CDH2: variants seen among roughly 807,000 people sequenced by gnomAD.
The protein encoded by CDH2 is cadherin 2.
In CDH2, 17 loss-of-function variants were observed where a neutral mutation model predicts 92.0. The observed-to-expected ratio is 0.18, with a 90% confidence interval of 0.13 to 0.28. The LOEUF is 0.28. CDH2 is among the 10% of genes least tolerant of loss of function. The pLI is 1.00. For missense variants in CDH2, 862 were observed against 1,133.1 expected, an observed-to-expected ratio of 0.76 and a Z score of 3.44; for synonymous variants, 419 against 415.9, an observed-to-expected ratio of 1.01 and a Z score of -0.09.
rs1002308684 is a variant in CDH2 at position 28,039,875 on chromosome 18, C to G, written c.173-25966G>C. ...CAAAGGTTGGTCAACATTTATGGCT[C>G]AAGAAAAAGAGAGTATTACATAACC... is the stretch of plus-strand genomic sequence containing the variant. On this transcript the variant is annotated intron_variant, in intron 2 of 15. Transcript: ENST00000269141. Among the ~76,000 whole-genome samples the G allele has an allele frequency of 5.9e-5, 9 of 152,168 alleles. No homozygotes were observed. In the East Asian group the frequency reaches 1.5e-3, roughly 26 times the overall value.
chr18:27,963,329 T>C, intron 15 of CDH2, 28 bp downstream of exon 15: 1 of 1,610,726 alleles, frequency 6.2e-7, no homozygotes, highest in Non-Finnish European at 8.5e-7. Context: ...TGAAAACTCT[T>C]ATAGAGAAAA....
At chr18:28,160,509 T>C (rs908670233) in intron 1 of CDH2, among the ~76,000 whole-genome samples, 2 of 152,186 alleles carry the variant, frequency 1.3e-5, no homozygotes, top group Admixed American at 1.3e-4. Context: ...GGGGACAGCA[T>C]GGATTCTGAC....
intron 2 of CDH2, among the ~76,000 whole-genome samples, chr18:28,107,919 A>G (rs1448985126): frequency 6.6e-6 from 1 of 152,234 alleles, no homozygotes; most frequent in African/African-American, 2.4e-5. Context: ...ATTAAAAAAC[A>G]TTCACAGTTT....
intron 14 of CDH2, among the ~76,000 whole-genome samples, chr18:27,967,419 TGAGAATTATAAA>T (rs2011557584): frequency 6.6e-6 from 1 of 152,156 alleles, no homozygotes; most frequent in Non-Finnish European, 1.5e-5. Flanking sequence ...ACATGTAGGA[TGAGAATTATAAA>T]GAGAATTACA....
At chr18:28,005,254 A>G (rs774439424) in intron 6 of CDH2, among the ~76,000 whole-genome samples, 3 of 152,118 alleles carry the variant, frequency 2.0e-5, no homozygotes, top group Admixed American at 6.5e-5. Flanking sequence ...CACAAGTGCT[A>G]TTTCTAGGCC....
intron 2 of CDH2, among the ~76,000 whole-genome samples, chr18:28,119,054 A>T (rs746477194): frequency 6.6e-6 from 1 of 152,100 alleles, no homozygotes; most frequent in Non-Finnish European, 1.5e-5. Context: ...CAATCCAGGG[A>T]ACATAAAGAA....
intron 6 of CDH2, among the ~76,000 whole-genome samples, chr18:27,943,950 T>C (rs1321447791): frequency 6.6e-6 from 1 of 152,222 alleles, no homozygotes; most frequent in African/African-American, 2.4e-5. Flanking sequence ...AAGGAAAACA[T>C]TTCCGTCAGT....
chr18:27,996,329 A>C (rs1212455678), intron 7 of CDH2, among the ~76,000 whole-genome samples: 1 of 152,130 alleles, frequency 6.6e-6, no homozygotes, highest in Admixed American at 6.5e-5. Flanking sequence ...TGTGACAACC[A>C]AACTCAGTAC....
intron 2 of CDH2, among the ~76,000 whole-genome samples, chr18:28,020,148 A>G (rs2013368836): frequency 6.6e-6 from 1 of 152,142 alleles, no homozygotes. Flanking sequence ...GCAGCTAGGA[A>G]TATCTTCTTG....
At chr18:27,933,761 A>T (rs1908957940) in intron 6 of CDH2, among the ~76,000 whole-genome samples, 1 of 152,208 alleles carries the variant, frequency 6.6e-6, no homozygotes, top group Non-Finnish European at 1.5e-5. Context: ...AGCAAGCTTC[A>T]CGTATTTGGG....
At chr18:27,987,081 C>G (rs1005783922) in intron 11 of CDH2, among the ~76,000 whole-genome samples, 18 of 152,226 alleles carry the variant, frequency 1.2e-4, no homozygotes, top group African/African-American at 4.3e-4. Context: ...TATCAAAAGC[C>G]CTTTCAATTA....
intron 2 of CDH2, among the ~76,000 whole-genome samples, chr18:28,126,081 TG>T (rs1156985439): frequency 6.6e-6 from 1 of 152,180 alleles, no homozygotes; most frequent in Non-Finnish European, 1.5e-5. Context: ...AAAATGAGAT[TG>T]TTAAAAGTTT....
At chr18:27,970,312 C>G (rs904989386) in intron 14 of CDH2, among the ~76,000 whole-genome samples, 1 of 152,130 alleles carries the variant, frequency 6.6e-6, no homozygotes, top group Non-Finnish European at 1.5e-5. Context: ...GTTTTCACCT[C>G]GAGTTCCAAT....
chr18:28,072,891 T>G (rs558252149), intron 2 of CDH2, among the ~76,000 whole-genome samples: 4 of 152,272 alleles, frequency 2.6e-5, no homozygotes, highest in Non-Finnish European at 4.4e-5. Flanking sequence ...GTTGGAGTCA[T>G]GGGTTACACA....
At chr18:28,021,365 C>T (rs2013405948) in intron 2 of CDH2, among the ~76,000 whole-genome samples, 1 of 151,622 alleles carries the variant, frequency 6.6e-6, no homozygotes, top group African/African-American at 2.4e-5. Context: ...AATATCATAA[C>T]ATGGGAAAAA....
chr18:28,129,139 T>A (rs934584347), intron 2 of CDH2, among the ~76,000 whole-genome samples: 5 of 152,220 alleles, frequency 3.3e-5, no homozygotes, highest in Non-Finnish European at 7.3e-5. Flanking sequence ...AATTGCTTTG[T>A]GTGATCTTCT....
chr18:28,166,832 C>T (rs994540345), intron 1 of CDH2, among the ~76,000 whole-genome samples: 4 of 152,076 alleles, frequency 2.6e-5, no homozygotes, highest in Non-Finnish European at 4.4e-5. Flanking sequence ...CCTCTACCAA[C>T]AATCTAGAGC....
chr18:28,028,933 GAATTT>G (rs1018873021), intron 2 of CDH2, among the ~76,000 whole-genome samples: 5 of 152,084 alleles, frequency 3.3e-5, no homozygotes, highest in African/African-American at 7.2e-5. Flanking sequence ...GCTGCCAATA[GAATTT>G]AAGTACTAAA....
chr18:28,080,076 C>T (rs1389288954), intron 2 of CDH2, among the ~76,000 whole-genome samples: 1 of 152,060 alleles, frequency 6.6e-6, no homozygotes, highest in Admixed American at 6.6e-5. Context: ...AGACACAGTG[C>T]TGATATTCAA....
Sources: gnomAD v4.1 joint callset for allele counts (sites outside exome capture counted in the v4.1 genomes callset) on GRCh38, gnomAD v4.1.1 for gene constraint, MANE v1.5 for transcripts, NCBI Gene and HGNC (gene_info 2026-07-23, HGNC 2026-07-21) for gene names.